Variants in NUP205 observed in about 807,000 individuals in gnomAD.
NUP205 encodes the protein nucleoporin 205, also known as nuclear pore complex protein Nup205.
NUP205 carries 76 observed loss-of-function variants against 253.8 expected under a neutral mutation model. The ratio of observed to expected loss-of-function variants is 0.30; its 90% CI spans 0.25 to 0.36. NUP205 has a LOEUF of 0.36. NUP205 is among the 10% of genes least tolerant of loss of function. The probability of loss-of-function intolerance (pLI) is 1.00; values close to 1 mark genes in which losing one functional copy is unlikely to be tolerated. For synonymous variants in NUP205, 832 were observed against 850.1 expected, an observed-to-expected ratio of 0.98 and a Z score of 0.37; for missense variants, 2,162 against 2,425.5, an observed-to-expected ratio of 0.89 and a Z score of 2.28.
intron 31 of NUP205, among the ~76,000 whole-genome samples, chr7:135,623,629 C>T (rs1240377510): frequency 6.6e-6 from 1 of 152,096 alleles, no homozygotes; most frequent in Non-Finnish European, 1.5e-5. Flanking sequence ...AGTATGGTGG[C>T]ACACTGGTAA....
intron 24 of NUP205, among the ~76,000 whole-genome samples, 179 bp from the exon 25 acceptor site, chr7:135,616,476 A>G (rs1343647148): frequency 6.6e-6 from 1 of 152,174 alleles, no homozygotes; most frequent in Non-Finnish European, 1.5e-5. Flanking sequence ...AAATAATTAG[A>G]TTAATGTTGG....
chr7:135,574,312 TA>T (rs1296851110), intron 3 of NUP205, among the ~76,000 whole-genome samples: 1 of 152,006 alleles, frequency 6.6e-6, no homozygotes, highest in Admixed American at 6.6e-5. Flanking sequence ...CATGAGTAGG[TA>T]AAAAATAAGA....
chr7:135,597,986 T>G lies in NUP205; in HGVS notation c.2065-12T>G, dbSNP rs1327598863. The G allele has an allele frequency of 3.7e-6, 6 of 1,610,870 alleles. No homozygotes were observed. Among genetic ancestry groups the G allele is most frequent in the Middle Eastern group, 1.7e-4 (1 of 5,970 alleles). On this transcript the variant is annotated splice_polypyrimidine_tract_variant and intron_variant, in intron 14 of 42. Transcript: ENST00000285968. ...TTTTTATTACCAAGTTTTCTTTCTT[T>G]TTCTTTGGAAGGTTGAACTAAATGA...
rs550364429 is a variant in NUP205, at chr7:135,596,237, A to G, written c.2014-1131A>G. ...GCGTGAGCCACCACGCCCAGCCAGA[A>G]GCAACCATTTTGAAGCAGTAAAATA... On this transcript the variant is annotated intron_variant, in intron 13 of 42. Coordinates refer to ENST00000285968, the MANE Select transcript of NUP205 (RefSeq NM_015135.3). Among the ~76,000 whole-genome samples, 477 of 152,354 alleles carry G rather than the reference A, an allele frequency of 3.1e-3. 1 individual carries two copies. Among genetic ancestry groups the G allele is most frequent in the African/African-American group, 0.011 (453 of 41,592 alleles).
At chr7:135,638,498 T>G in intron 37 of NUP205, 59 bp from the exon 38 acceptor site, 1 of 1,496,750 alleles carries the variant, frequency 6.7e-7, no homozygotes. Context: ...ATCTCGATTT[T>G]CATGCTAATT....
chr7:135,601,654 A>G (rs1793967155), intron 17 of NUP205, 147 bp downstream of exon 17: 1 of 841,782 alleles, frequency 1.2e-6, no homozygotes, highest in African/African-American at 1.7e-5. Context: ...TCAGTGAATC[A>G]TTTAAATGAG....
chr7:135,578,642 T>G, intron 6 of NUP205, 109 bp from the exon 7 acceptor site: 1 of 725,740 alleles, frequency 1.4e-6, no homozygotes, highest in Non-Finnish European at 2.2e-6. Flanking sequence ...TTGGTCATTA[T>G]TCTTCTGTGA....
intron 13 of NUP205, among the ~76,000 whole-genome samples, chr7:135,595,971 G>A (rs1446233612): frequency 1.3e-5 from 2 of 151,586 alleles, no homozygotes; most frequent in African/African-American, 4.9e-5. Flanking sequence ...TTTTGCTCTT[G>A]TTGCCCAGGC....
At chr7:135,619,390 G>T (rs1794426639) in intron 28 of NUP205, 33 bp from the exon 29 acceptor site, 1 of 1,591,036 alleles carries the variant, frequency 6.3e-7, no homozygotes, top group African/African-American at 1.4e-5. Context: ...CTGAAAGCAG[G>T]ATTCTCACTC....
chr7:135,562,131 A>T (rs1368845697), intron 1 of NUP205, among the ~76,000 whole-genome samples: 1 of 151,876 alleles, frequency 6.6e-6, no homozygotes, highest in Non-Finnish European at 1.5e-5. Flanking sequence ...GGTCTCTTCC[A>T]TCCTTGTAAA....
At chr7:135,598,428 G>A in intron 15 of NUP205, among the ~76,000 whole-genome samples, 1 of 152,190 alleles carries the variant, frequency 6.6e-6, no homozygotes, top group East Asian at 1.9e-4. Context: ...TAATCTAATT[G>A]ATAGGAGTTC....
chr7:135,648,094 C>A (rs1795046703), intron 42 of NUP205, among the ~76,000 whole-genome samples: 1 of 151,944 alleles, frequency 6.6e-6, no homozygotes, highest in African/African-American at 2.4e-5. Flanking sequence ...TTGTATGGCC[C>A]TTCAGGAAAT....
intron 22 of NUP205, among the ~76,000 whole-genome samples, chr7:135,610,159 C>T (rs1407916382): frequency 6.6e-6 from 1 of 152,186 alleles, no homozygotes; most frequent in Non-Finnish European, 1.5e-5. Flanking sequence ...TTAGAACACT[C>T]TACTAGCCAA....
chr7:135,567,949 G>A (rs1482002497), intron 1 of NUP205, among the ~76,000 whole-genome samples: 1 of 152,132 alleles, frequency 6.6e-6, no homozygotes, highest in African/African-American at 2.4e-5. Flanking sequence ...GTAGGGGCCG[G>A]GCGCCGTGGC....
At chr7:135,597,302 G>T in intron 13 of NUP205, 66 bp from the exon 14 acceptor site, 1 of 1,177,814 alleles carries the variant, frequency 8.5e-7, no homozygotes. Context: ...CTATTATATT[G>T]CAAAGCCACT....
chr7:135,572,942 C>CTTTTTTTTTTTTTCTTTTTT (rs1806040165), intron 2 of NUP205, among the ~76,000 whole-genome samples: 1 of 137,510 alleles, frequency 7.3e-6, no homozygotes, highest in African/African-American at 2.7e-5. Context: ...TGCTTTTTAG[C>CTTTTTTTTTTTTTCTTTTTT]TTTTTTTTTT....
chr7:135,607,172 T>C lies in NUP205; in HGVS notation c.3071-75T>C, dbSNP rs1794103726. On this transcript the variant is annotated intron_variant, in intron 21 of 42. Transcript: ENST00000285968. ...ACAGCATATATTTAAAGAATTTAAC[T>C]TTTGAAAAGGCAGTCTAAGATTTTA... is the stretch of plus-strand genomic sequence containing the variant. 1.1e-5 allele frequency: 17 copies of C among 1,557,782 alleles called. No individual in the cohort carries two copies. The South Asian group carries it at 2.1e-4, about 19-fold the overall frequency.
At chr7:135,567,146 A>ATATATATATATATG (rs1805797310) in intron 1 of NUP205, among the ~76,000 whole-genome samples, 2 of 66,980 alleles carry the variant, frequency 3.0e-5, no homozygotes, top group Non-Finnish European at 6.6e-5. Flanking sequence ...ATATATATAT[A>ATATATATATATATG]TATATATATA....
Position 135,645,147 on chromosome 7 carries a change from C to A in NUP205, c.5683+129C>A. The stretch of plus-strand genomic sequence containing the variant: ...AACTTAATTTTTTCCCAGTAAATGC[C>A]TAATGTATTTCCAAATCATAGTTTT... On this transcript the variant is annotated intron_variant, in intron 40 of 42. Transcript: ENST00000285968. The A allele has an allele frequency of 3.0e-6, 3 of 1,012,908 alleles. No homozygotes were observed. The South Asian group carries it at 4.7e-5, about 16-fold the overall frequency. 62.7% of individuals were successfully genotyped at this position (1,012,908 alleles called of 1,614,324 possible). A position where few individuals can be genotyped will look rare whatever the true frequency, so the allele number is the denominator to read the frequency against.
Sources: gnomAD v4.1 joint callset for allele counts (sites outside exome capture counted in the v4.1 genomes callset) on GRCh38, gnomAD v4.1.1 for gene constraint, MANE v1.5 for transcripts, NCBI Gene and HGNC (gene_info 2026-07-23, HGNC 2026-07-21) for gene names.